Variants in DYNC2H1 observed in about 807,000 individuals in gnomAD.
DYNC2H1 encodes the protein dynein cytoplasmic 2 heavy chain 1.
A neutral mutation model predicts 570.0 loss-of-function variants in DYNC2H1; 410 were observed. The observed-to-expected ratio is 0.72, with a 90% CI of 0.66 to 0.78. DYNC2H1 has a LOEUF of 0.78. Among genes scored for constraint, DYNC2H1 ranks in the 30% least tolerant of loss-of-function variants. The pLI, the probability that DYNC2H1 is intolerant of heterozygous loss-of-function variation, is 0.00. For synonymous variants in DYNC2H1, 1,688 were observed against 1,677.6 expected, an observed-to-expected ratio of 1.01 and a Z score of -0.15; for missense variants, 4,865 against 5,046.4, an observed-to-expected ratio of 0.96 and a Z score of 1.09.
chr11:103,453,751 TTAAAATAACTGTTA>T (rs1846744285), intron 85 of DYNC2H1, among the ~76,000 whole-genome samples: 1 of 151,288 alleles, frequency 6.6e-6, no homozygotes, highest in South Asian at 2.1e-4. Flanking sequence ...AATGACTGTT[TTAAAATAACTGTTA>T]TAAAATAACA....
chr11:103,352,702 A>C (rs1940111209), intron 82 of DYNC2H1, among the ~76,000 whole-genome samples: 1 of 152,182 alleles, frequency 6.6e-6, no homozygotes, highest in African/African-American at 2.4e-5. Flanking sequence ...TGTTGGTGAA[A>C]ATGTAAATTA....
intron 69 of DYNC2H1, among the ~76,000 whole-genome samples, chr11:103,259,234 T>TA (rs1270549797): frequency 6.6e-6 from 1 of 152,166 alleles, no homozygotes; most frequent in Non-Finnish European, 1.5e-5. Flanking sequence ...ATGTAAAACT[T>TA]ACATCACACT....
Position 103,245,906 on chromosome 11 carries a change from A to G in DYNC2H1, c.10042+532A>G, listed in dbSNP as rs138955690. Among the ~76,000 whole-genome samples, 1 of 152,154 alleles carries G rather than the reference A, an allele frequency of 6.6e-6. No homozygotes were observed. The highest frequency in any genetic ancestry group is 1.9e-4 in the East Asian group (1 of 5,196). On this transcript the variant is annotated intron_variant, in intron 65 of 88. Transcript: ENST00000375735. This position sits in a 1 kb window ranked among gnomAD's most constrained non-coding sequence, Gnocchi z 4.5. Reference sequence around the variant, plus strand: ...TTAAAGAGCATATCATGCAAAGTGTATACACATACATATGTAGACGTGTAC... The same window carrying G: ...TTAAAGAGCATATCATGCAAAGTGTGTACACATACATATGTAGACGTGTAC...
chr11:103,126,785 C>T (rs1208622557), intron 12 of DYNC2H1, among the ~76,000 whole-genome samples: 6 of 151,964 alleles, frequency 3.9e-5, no homozygotes, highest in Non-Finnish European at 8.8e-5. Flanking sequence ...TATAGGGGCC[C>T]GCCACCAAGC....
intron 21 of DYNC2H1, 55 bp from the exon 22 acceptor site, chr11:103,153,248 A>G: frequency 7.0e-7 from 1 of 1,419,426 alleles, no homozygotes; most frequent in Non-Finnish European, 9.4e-7. Flanking sequence ...AAAAGTATGA[A>G]CCCAAAATGA....
intron 80 of DYNC2H1, among the ~76,000 whole-genome samples, chr11:103,318,055 C>A (rs1937959133): frequency 6.6e-6 from 1 of 152,002 alleles, no homozygotes; most frequent in Non-Finnish European, 1.5e-5. Flanking sequence ...TTTTCTATAA[C>A]TTGTCTTTGG....
At chr11:103,216,611 G>A (rs1285355469) in intron 55 of DYNC2H1, among the ~76,000 whole-genome samples, 1 of 152,052 alleles carries the variant, frequency 6.6e-6, no homozygotes, top group Admixed American at 6.6e-5. Flanking sequence ...GGGCAATATA[G>A]TGAGACCTTA....
At chr11:103,467,827 G>A (rs559505002) in intron 87 of DYNC2H1, among the ~76,000 whole-genome samples, 29 of 152,234 alleles carry the variant, frequency 1.9e-4, no homozygotes, top group African/African-American at 3.9e-4. Context: ...GTGAGCCACC[G>A]CGCCCAGCCG....
intron 82 of DYNC2H1, among the ~76,000 whole-genome samples, chr11:103,352,944 A>T (rs1940122744): frequency 6.6e-6 from 1 of 152,240 alleles, no homozygotes; most frequent in Admixed American, 6.5e-5. Context: ...TTGTACATGT[A>T]CACCATGGAA....
At chr11:103,391,431 G>A (rs979124776) in intron 83 of DYNC2H1, among the ~76,000 whole-genome samples, 2 of 152,080 alleles carry the variant, frequency 1.3e-5, no homozygotes, top group Non-Finnish European at 2.9e-5. Flanking sequence ...GCTTCTTTGC[G>A]ATGGGTTCAG....
chr11:103,153,304 T>C lies in DYNC2H1; in HGVS notation c.3098T>C (p.Ile1033Thr). 1 of 1,533,660 alleles carries C rather than the reference T, an allele frequency of 6.5e-7. No homozygotes were observed. ...ESHQLMIKDQIEVMKGNVKSR... is the reference protein window; with the variant it reads ...ESHQLMIKDQTEVMKGNVKSR... ...TATTTAAATTTTATTGGCTTATAGA[T>C]TGAAGTGATGAAAGGAAATGTGAAA... Residue 1033 changes from isoleucine to threonine, a missense_variant and splice_region_variant, in exon 22 of 89, where the codon ATT (isoleucine) becomes ACT (threonine). By Grantham distance (89) the Ile-to-Thr change is moderately conservative. Around this residue, in one of 5 missense-constraint regions of DYNC2H1, gnomAD observed 1,936 missense variants for 1,962.1 expected, o/e 0.99. Coordinates refer to ENST00000375735, the MANE Select transcript of DYNC2H1 (RefSeq NM_001377.3).
intron 84 of DYNC2H1, among the ~76,000 whole-genome samples, chr11:103,413,435 TATGAAATTTG>T (rs1943165490): frequency 6.6e-6 from 1 of 152,208 alleles, no homozygotes; most frequent in South Asian, 2.1e-4. Context: ...TAGTAGCCCT[TATGAAATTTG>T]ATACTCTCAT....
In DYNC2H1 at chr11:103,280,451, T is replaced by G; in HGVS notation, c.10761+38T>G. On this transcript the variant is annotated intron_variant, in intron 71 of 88. Transcript: ENST00000375735. The surrounding 1 kb of genome is among the most constrained non-coding windows in gnomAD (Gnocchi z 4.7). ...AAAGGAGAGAAATTTTACAGTAACA[T>G]AGAAATTTGTTAATGGGTGGATTTA... 6.6e-7 allele frequency: 1 copy of G among 1,509,482 alleles called. No homozygotes were observed. The highest frequency in any genetic ancestry group is 1.2e-5 in the South Asian group (1 of 82,946). The allele number at this position is 1,509,482 out of a possible 1,614,324, so 93.5% of individuals were successfully genotyped here.
chr11:103,428,807 TCA>T (rs1943777913), intron 84 of DYNC2H1, among the ~76,000 whole-genome samples: 1 of 152,142 alleles, frequency 6.6e-6, no homozygotes, highest in Admixed American at 6.6e-5. Flanking sequence ...GTAGCATATA[TCA>T]ATTTTTTTTT....
At chr11:103,173,877 CA>C (rs1318679573) in intron 35 of DYNC2H1, among the ~76,000 whole-genome samples, 177 bp from the exon 36 acceptor site, 1 of 152,090 alleles carries the variant, frequency 6.6e-6, no homozygotes, top group Non-Finnish European at 1.5e-5. Flanking sequence ...GAGAACCGTC[CA>C]TCTTTAACAG....
chr11:103,120,415 ATAAATTCTGT>A (rs754101602), intron 6 of DYNC2H1, 22 bp from the exon 7 acceptor site: 96 of 1,541,470 alleles, frequency 6.2e-5, no homozygotes, highest in Non-Finnish European at 8.3e-5. Context: ...TTGGATTTAA[ATAAATTCTGT>A]TGTTTTAATA....
chr11:103,209,731 G>T lies in DYNC2H1; in HGVS notation c.8455-145G>T. On this transcript the variant is annotated intron_variant, in intron 52 of 88. Transcript: ENST00000375735. This position sits in a 1 kb window ranked among gnomAD's most constrained non-coding sequence, Gnocchi z 4.2. ...TGTCTTGGAAATCATTTCTTCTAAA[G>T]ATTTCTGTATTATTTTTGTCTCTTA... 1 of 528,020 alleles carries T rather than the reference G, an allele frequency of 1.9e-6. No individual in the cohort carries two copies. The highest frequency in any genetic ancestry group is 2.9e-6 in the Non-Finnish European group (1 of 349,364). The allele number at this position is 528,020 out of a possible 1,614,324, so 32.7% of individuals were successfully genotyped here.
rs766124250 is a variant in DYNC2H1 at position 103,163,161 on chromosome 11, C to T, written c.4611+14C>T. 8.7e-6 allele frequency: 14 copies of T among 1,604,274 alleles called. No homozygotes were observed. Among genetic ancestry groups the T allele is most frequent in the Middle Eastern group, 1.7e-4 (1 of 6,022 alleles). On this transcript the variant is annotated intron_variant, in intron 30 of 88. Coordinates refer to ENST00000375735, the MANE Select transcript of DYNC2H1 (RefSeq NM_001377.3). This position sits in a 1 kb window ranked among gnomAD's most constrained non-coding sequence, Gnocchi z 4.6. Reference sequence around the variant, plus strand: ...TTCCCTTCACAGGTAAGGGGGCTTACGTGTAGAAGCTACATAGGCATGGAA... The same window carrying T: ...TTCCCTTCACAGGTAAGGGGGCTTATGTGTAGAAGCTACATAGGCATGGAA...
At chr11:103,173,729 A>G (rs17374066) in intron 35 of DYNC2H1, among the ~76,000 whole-genome samples, 3,883 of 152,250 alleles carry the variant, frequency 0.026, 70 homozygotes, top group Non-Finnish European at 0.042. Context: ...TTAAGAGATA[A>G]TGGTGAACTA....
Sources: gnomAD v4.1 joint callset for allele counts (sites outside exome capture counted in the v4.1 genomes callset) on GRCh38, gnomAD v4.1.1 for gene constraint, gnomAD v4.1.1 regional missense constraint, Gnocchi (gnomAD v3.1) non-coding constraint, MANE v1.5 for transcripts, NCBI Gene and HGNC (gene_info 2026-07-23, HGNC 2026-07-21) for gene names.